The following TCERG1L variants were observed in gnomAD, a reference collection of about 807,000 sequenced individuals.
The protein encoded by TCERG1L is transcription elongation regulator 1-like protein.
A neutral mutation model predicts 56.3 loss-of-function variants in TCERG1L; 37 were observed. That is an observed-to-expected ratio of 0.66 (90% CI 0.51 to 0.87). TCERG1L has a LOEUF of 0.87. Ranked by LOEUF, TCERG1L falls within the 40% of genes least tolerant of loss-of-function variation. The probability of loss-of-function intolerance (pLI) is 0.00; values close to 1 mark genes in which losing one functional copy is unlikely to be tolerated. For synonymous variants in TCERG1L, 324 were observed against 326.3 expected, an observed-to-expected ratio of 0.99 and a Z score of 0.08; for missense variants, 799 against 774.2, an observed-to-expected ratio of 1.03 and a Z score of -0.38.
At chr10:131,292,294 C>T (rs1050613325) in intron 3 of TCERG1L, among the ~76,000 whole-genome samples, 4 of 152,186 alleles carry the variant, frequency 2.6e-5, no homozygotes, top group Admixed American at 6.5e-5. Context: ...AACGATGCAT[C>T]TTCCTGTGGT....
intron 4 of TCERG1L, among the ~76,000 whole-genome samples, chr10:131,179,660 GC>G (rs1845150507): frequency 6.6e-6 from 1 of 152,180 alleles, no homozygotes; most frequent in South Asian, 2.1e-4. Flanking sequence ...AATTCTTCTG[GC>G]CCTTGTGGTT....
At chr10:131,097,618 A>AT (rs1320641868) in intron 11 of TCERG1L, among the ~76,000 whole-genome samples, 2 of 152,220 alleles carry the variant, frequency 1.3e-5, no homozygotes, top group African/African-American at 4.8e-5. Context: ...AAGTGCTGGG[A>AT]TTATAGGCGT....
chr10:131,125,159 GTGA>G (rs34057810), intron 8 of TCERG1L, among the ~76,000 whole-genome samples: 15 of 152,002 alleles, frequency 9.9e-5, no homozygotes, highest in African/African-American at 2.7e-4. Context: ...GGTGGTGGTG[GTGA>G]TGATGATGAT....
chr10:131,300,039 T>G (rs545697035), intron 3 of TCERG1L, among the ~76,000 whole-genome samples: 1 of 152,292 alleles, frequency 6.6e-6, no homozygotes, highest in East Asian at 1.9e-4. Flanking sequence ...TCCTGACTAA[T>G]AAGCTTCTTC....
At chr10:131,100,092 C>G (rs551876935) in intron 10 of TCERG1L, among the ~76,000 whole-genome samples, 2 of 152,278 alleles carry the variant, frequency 1.3e-5, no homozygotes, top group East Asian at 3.9e-4. Context: ...GTTGCGAACT[C>G]CTGACCTCAG....
chr10:131,295,311 CG>C (rs1314850976), intron 3 of TCERG1L, among the ~76,000 whole-genome samples: 3 of 152,172 alleles, frequency 2.0e-5, no homozygotes, highest in Admixed American at 6.5e-5. Context: ...AGGAAAAATA[CG>C]TAAGAGTGAG....
At chr10:131,223,077 G>A (rs1589753518) in intron 4 of TCERG1L, among the ~76,000 whole-genome samples, 1 of 152,190 alleles carries the variant, frequency 6.6e-6, no homozygotes, top group East Asian at 1.9e-4. Context: ...TGATCAACCG[G>A]CGGGGACGAG....
intron 4 of TCERG1L, among the ~76,000 whole-genome samples, chr10:131,169,950 A>C (rs1381300368): frequency 2.0e-5 from 3 of 152,088 alleles, no homozygotes; most frequent in African/African-American, 7.3e-5. Flanking sequence ...GTAAAAAATC[A>C]GATCTTAAAG....
At chr10:131,199,003 G>C (rs1472746941) in intron 4 of TCERG1L, among the ~76,000 whole-genome samples, 1 of 152,194 alleles carries the variant, frequency 6.6e-6, no homozygotes, top group Non-Finnish European at 1.5e-5. Context: ...AGAATGAGGG[G>C]AATGGAAACT....
intron 4 of TCERG1L, among the ~76,000 whole-genome samples, chr10:131,179,141 T>C (rs560883102): frequency 3.8e-4 from 58 of 152,316 alleles, no homozygotes; most frequent in African/African-American, 1.3e-3. Context: ...CAGATCAGGC[T>C]GCCCGGATCA....
At chr10:131,104,229 T>C (rs1306113165) in intron 10 of TCERG1L, 36 bp downstream of exon 10, 6 of 1,389,466 alleles carry the variant, frequency 4.3e-6, no homozygotes, top group East Asian at 5.0e-5. Flanking sequence ...TTTCATGCCA[T>C]GTCTCTGCAG....
At chr10:131,256,321 G>T (rs537611209) in intron 4 of TCERG1L, among the ~76,000 whole-genome samples, 1 of 152,222 alleles carries the variant, frequency 6.6e-6, no homozygotes, top group African/African-American at 2.4e-5. Context: ...TTTCTGACTT[G>T]GCTGGTAAGT....
In TCERG1L at chr10:131,228,033, T is replaced by C. The variant is rs1014232140; in HGVS notation, c.856+32226A>G. The stretch of plus-strand genomic sequence containing the variant: ...CTGTCCTCCTTGCCCAGCCCCCCTC[T>C]CCGTGCTGTGTTTTCTCAGTGGCAT... On this transcript the variant is annotated intron_variant, in intron 4 of 11. Transcript: ENST00000368642. 5.1e-5 allele frequency among the ~76,000 whole-genome samples: 7 copies of C among 137,678 alleles called. No homozygotes were observed. In the East Asian group the frequency reaches 1.3e-3, roughly 25 times the overall value. 90.3% of individuals were successfully genotyped at this position (137,678 alleles called of 152,430 possible).
At chr10:131,240,135 T>C (rs7911589) in intron 4 of TCERG1L, among the ~76,000 whole-genome samples, 14,551 of 152,246 alleles carry the variant, frequency 0.096, 777 homozygotes, top group African/African-American at 0.14. Context: ...GGTCCCTAGT[T>C]ATCCCCGCTG....
At chr10:131,170,267 C>G (rs2133439857) in intron 4 of TCERG1L, among the ~76,000 whole-genome samples, 1 of 152,186 alleles carries the variant, frequency 6.6e-6, no homozygotes, top group Admixed American at 6.5e-5. Flanking sequence ...CTTCCAGGGT[C>G]CACTCTGACA....
At chr10:131,100,259 T>C (rs1297676597) in intron 10 of TCERG1L, among the ~76,000 whole-genome samples, 1 of 152,224 alleles carries the variant, frequency 6.6e-6, no homozygotes, top group Non-Finnish European at 1.5e-5. Context: ...AGGGTTATTA[T>C]CCAAATAAAA....
At chr10:131,277,895 C>G (rs1370422557) in intron 3 of TCERG1L, among the ~76,000 whole-genome samples, 1 of 152,068 alleles carries the variant, frequency 6.6e-6, no homozygotes, top group African/African-American at 2.4e-5. Flanking sequence ...GAGCCACCGA[C>G]TTGGGAGGGA....
At chr10:131,287,317 A>G (rs1221040279) in intron 3 of TCERG1L, among the ~76,000 whole-genome samples, 2 of 152,222 alleles carry the variant, frequency 1.3e-5, no homozygotes, top group Admixed American at 1.3e-4. Flanking sequence ...GTGATTCTGT[A>G]TCCTATCTGT....
chr10:131,131,939 G>C (rs1337230259), intron 8 of TCERG1L, among the ~76,000 whole-genome samples: 1 of 152,226 alleles, frequency 6.6e-6, no homozygotes, highest in Non-Finnish European at 1.5e-5. Context: ...CTGCGACATA[G>C]AAATACATAA....
Sources: gnomAD v4.1 joint callset for allele counts (sites outside exome capture counted in the v4.1 genomes callset) on GRCh38, gnomAD v4.1.1 for gene constraint, MANE v1.5 for transcripts, NCBI Gene and HGNC (gene_info 2026-07-23, HGNC 2026-07-21) for gene names.